The following TSPAN15 variants were observed in gnomAD, a reference collection of about 807,000 sequenced individuals.
TSPAN15 encodes the protein tetraspanin-15.
Under a neutral mutation model 34.5 loss-of-function variants are expected in TSPAN15, and 20 were observed. The observed-to-expected ratio is 0.58, with a 90% CI of 0.41 to 0.84. The LOEUF (loss-of-function observed/expected upper bound fraction) is 0.84. Ranked by LOEUF, TSPAN15 falls within the 40% of genes least tolerant of loss-of-function variation. The pLI is 0.00. For synonymous variants in TSPAN15, 155 were observed against 153.9 expected, an observed-to-expected ratio of 1.01 and a Z score of -0.05; for missense variants, 313 against 386.1, an observed-to-expected ratio of 0.81 and a Z score of 1.59.
At chr10:69,452,104 C>T (rs1840984885) in intron 1 of TSPAN15, among the ~76,000 whole-genome samples, 1 of 152,240 alleles carries the variant, frequency 6.6e-6, no homozygotes. Context: ...ACCTGGATTC[C>T]GGGTCTGGTC....
At chr10:69,485,852 T>A (rs1042461946) in intron 3 of TSPAN15, among the ~76,000 whole-genome samples, 3 of 152,058 alleles carry the variant, frequency 2.0e-5, no homozygotes, top group African/African-American at 7.2e-5. Flanking sequence ...AAAAGGCGAT[T>A]TGATGTATAT....
At chr10:69,538,189 AG>A in the TSPAN15 span, among the ~76,000 whole-genome samples, 1 of 152,252 alleles carries the variant, frequency 6.6e-6, no homozygotes, top group East Asian at 1.9e-4. Flanking sequence ...ACAGGAATGG[AG>A]GGGGGAAACA....
intron 4 of TSPAN15, among the ~76,000 whole-genome samples, chr10:69,496,046 C>A (rs1039244966): frequency 5.9e-5 from 9 of 152,124 alleles, no homozygotes; most frequent in African/African-American, 2.2e-4. Context: ...GGCAAGGATC[C>A]TCCTTCCTTG....
intron 3 of TSPAN15, among the ~76,000 whole-genome samples, chr10:69,490,671 T>C (rs1214075078): frequency 6.6e-6 from 1 of 152,220 alleles, no homozygotes; most frequent in Non-Finnish European, 1.5e-5. Flanking sequence ...CAGTGAGCCA[T>C]GATCGTGCTA....
chr10:69,467,654 A>ACG (rs1841415031), intron 1 of TSPAN15, among the ~76,000 whole-genome samples: 3 of 151,656 alleles, frequency 2.0e-5, no homozygotes, highest in African/African-American at 7.3e-5. Context: ...ACACACACAC[A>ACG]CACACACACA....
chr10:69,491,728 T>G (rs781666778), intron 3 of TSPAN15, among the ~76,000 whole-genome samples: 1 of 152,208 alleles, frequency 6.6e-6, no homozygotes, highest in Non-Finnish European at 1.5e-5. Flanking sequence ...GCCTCAGGTC[T>G]CAGGCTTACA....
In TSPAN15 at chr10:69,507,540, A is replaced by AT. The variant is rs1564618904; in HGVS notation, c.*569dup. ...TTTTTACGTGATTTTTGTAACATTC[A>AT]TTTTTTTGTACAGATAACAGGAGTT... On this transcript the variant is annotated 3_prime_UTR_variant, in exon 8 of 8. Coordinates refer to ENST00000373290, the MANE Select transcript of TSPAN15 (RefSeq NM_012339.5). The AT allele has an allele frequency of 3.5e-5, 46 of 1,303,052 alleles. 1 individual carries two copies. The highest frequency in any genetic ancestry group is 6.2e-5 in the South Asian group (5 of 80,986). The allele number at this position is 1,303,052 out of a possible 1,614,324, so 80.7% of individuals were successfully genotyped here.
At chr10:69,495,733 T>C in intron 4 of TSPAN15, 44 bp downstream of exon 4, 1 of 1,372,622 alleles carries the variant, frequency 7.3e-7, no homozygotes, top group East Asian at 2.3e-5. Context: ...CCCGTGCTCT[T>C]AGCCCCCCAT....
chr10:69,451,574 C>T lies in TSPAN15; in HGVS notation c.-21C>T. ...CCGGAGAGCCCCGGAGCCCCCGTAA[C>T]CCGCGCGGGGAGCGCCCAGGATGCC... is the stretch of plus-strand genomic sequence containing the variant. On this transcript the variant is annotated 5_prime_UTR_variant, in exon 1 of 8. Transcript: ENST00000373290. The T allele has an allele frequency of 1.4e-6, 2 of 1,439,028 alleles. No individual in the cohort carries two copies. Among genetic ancestry groups the T allele is most frequent in the South Asian group, 2.9e-5 (2 of 68,542 alleles). 89.1% of individuals were successfully genotyped at this position (1,439,028 alleles called of 1,614,324 possible).
At chr10:69,529,858 G>A in the TSPAN15 span, among the ~76,000 whole-genome samples, 10 of 99,800 alleles carry the variant, frequency 1.0e-4, 1 homozygote, top group African/African-American at 1.6e-4. Context: ...CCCTTCCCCC[G>A]CAAGTCCCCA....
chr10:69,493,624 T>C (rs1273732952), intron 3 of TSPAN15, among the ~76,000 whole-genome samples: 2 of 152,086 alleles, frequency 1.3e-5, no homozygotes, highest in Non-Finnish European at 2.9e-5. Context: ...AGGCGCACGC[T>C]GCCACGCCTG....
In TSPAN15 at chr10:69,483,953, TCA is replaced by T. The variant is rs1021537572; in HGVS notation, c.282+78_282+79del. ...GCCTGCCCCTGTGCCCTTGGGCAGC[TCA>T]GTTTCTTTTGTCCCTGCCTCAAACC... On this transcript the variant is annotated intron_variant, in intron 2 of 7. Coordinates refer to ENST00000373290, the MANE Select transcript of TSPAN15 (RefSeq NM_012339.5). The T allele has an allele frequency of 2.4e-5, 36 of 1,485,054 alleles. No individual in the cohort carries two copies. The African/African-American group carries it at 4.5e-4, about 19-fold the overall frequency. 92.0% of individuals were successfully genotyped at this position (1,485,054 alleles called of 1,614,324 possible).
the TSPAN15 span, among the ~76,000 whole-genome samples, chr10:69,544,550 C>T: frequency 1.4e-4 from 21 of 152,240 alleles, no homozygotes; most frequent in South Asian, 6.2e-4. Flanking sequence ...GTCTTCCACA[C>T]CTGCCCCCAG....
intron 1 of TSPAN15, among the ~76,000 whole-genome samples, chr10:69,462,447 G>T (rs147325082): frequency 6.6e-6 from 1 of 151,938 alleles, no homozygotes; most frequent in Non-Finnish European, 1.5e-5. Flanking sequence ...CCATTCTCCT[G>T]CCTCAGCCTC....
chr10:69,513,917 TCA>T, the TSPAN15 span, among the ~76,000 whole-genome samples: 4 of 152,382 alleles, frequency 2.6e-5, no homozygotes, highest in Admixed American at 2.6e-4. Flanking sequence ...TCTGGATTTC[TCA>T]CTACGTTTTG....
chr10:69,478,921 G>A (rs866779751), intron 1 of TSPAN15, among the ~76,000 whole-genome samples: 37 of 152,212 alleles, frequency 2.4e-4, no homozygotes, highest in African/African-American at 8.9e-4. Context: ...AAAATTGCAG[G>A]TGCCGTTAAT....
intron 1 of TSPAN15, among the ~76,000 whole-genome samples, chr10:69,457,416 C>T (rs550653877): frequency 1.1e-4 from 17 of 152,300 alleles, no homozygotes; most frequent in South Asian, 8.3e-4. Flanking sequence ...CATGGTGCTA[C>T]GGACTCTCCA....
At position 69,505,167 on chromosome 10, in the gene TSPAN15, C is replaced by T. The variant is rs991490954; in HGVS notation, c.618+682C>T. On this transcript the variant is annotated intron_variant, in intron 6 of 7. Coordinates refer to ENST00000373290, the MANE Select transcript of TSPAN15 (RefSeq NM_012339.5). The stretch of plus-strand genomic sequence containing the variant: ...GTGGTAATGTCCTATTTATTATCCC[C>T]AAGTGAAATTCACAGATAACCTACC... 5.9e-5 allele frequency among the ~76,000 whole-genome samples: 9 copies of T among 152,180 alleles called. No individual in the cohort carries two copies. The East Asian group carries it at 1.3e-3, about 23-fold the overall frequency.
intron 1 of TSPAN15, among the ~76,000 whole-genome samples, chr10:69,482,899 A>G (rs55668536): frequency 0.17 from 25,322 of 152,214 alleles, 2,620 homozygotes; most frequent in Non-Finnish European, 0.23. Context: ...GAATGGCTTA[A>G]ACAATAGACA....
Sources: allele counts gnomAD v4.1 joint callset (sites outside exome capture counted in the v4.1 genomes callset), GRCh38; gene constraint gnomAD v4.1.1; transcripts MANE v1.5; gene names NCBI Gene and HGNC (gene_info 2026-07-23, HGNC 2026-07-21).